ELP1: variants seen among roughly 807,000 people sequenced by gnomAD.
ELP1 encodes elongator complex protein 1.
ELP1 carries 131 observed loss-of-function variants against 183.2 expected under a neutral mutation model. That is an observed-to-expected ratio of 0.72 (90% CI 0.62 to 0.83). The LOEUF (loss-of-function observed/expected upper bound fraction) is 0.83, where lower values mean the gene tolerates loss of function less well. ELP1 is among the 40% of genes least tolerant of loss of function. ELP1 has a pLI of 0.00. For synonymous variants in ELP1, 555 were observed against 569.0 expected, an observed-to-expected ratio of 0.98 and a Z score of 0.35; for missense variants, 1,550 against 1,594.9, an observed-to-expected ratio of 0.97 and a Z score of 0.48.
chr9:108,891,888 G>C (rs3780510), intron 27 of ELP1, among the ~76,000 whole-genome samples: 97,908 of 152,032 alleles, frequency 0.64, 33,242 homozygotes, highest in African/African-American at 0.89. Flanking sequence ...GCAGAGGGCA[G>C]AGAAGGCACC....
At chr9:108,890,856 A>G (rs1263634621) in intron 28 of ELP1, among the ~76,000 whole-genome samples, 1 of 152,192 alleles carries the variant, frequency 6.6e-6, no homozygotes, top group Non-Finnish European at 1.5e-5. Flanking sequence ...CTTAAAGGTA[A>G]ATGTTTTACC....
At chr9:108,880,240 G>A in intron 31 of ELP1, 75 bp from the exon 32 acceptor site, 1 of 954,556 alleles carries the variant, frequency 1.0e-6, no homozygotes, top group Non-Finnish European at 1.7e-6. Context: ...GGGGAGCAGT[G>A]AAGGAGGGTT....
intron 27 of ELP1, 60 bp downstream of exon 27, chr9:108,892,926 T>G (rs1828398959): frequency 1.7e-6 from 2 of 1,146,970 alleles, no homozygotes; most frequent in East Asian, 4.7e-5. Flanking sequence ...GGATCCTCAC[T>G]CCTTTCCTAC....
intron 29 of ELP1, among the ~76,000 whole-genome samples, chr9:108,887,919 C>T (rs989517674): frequency 2.6e-5 from 4 of 152,218 alleles, no homozygotes; most frequent in Non-Finnish European, 5.9e-5. Context: ...TAAACATCCA[C>T]TTACCACGGG....
At chr9:108,903,350 G>C (rs1316352763) in intron 15 of ELP1, among the ~76,000 whole-genome samples, 1 of 152,052 alleles carries the variant, frequency 6.6e-6, no homozygotes, top group Non-Finnish European at 1.5e-5. Context: ...CCCTGCGATA[G>C]TCATCAATCA....
intron 25 of ELP1, among the ~76,000 whole-genome samples, chr9:108,896,093 TAAAAATAC>T: frequency 6.6e-6 from 1 of 152,120 alleles, no homozygotes; most frequent in African/African-American, 2.4e-5. Context: ...CTGTCTCTAC[TAAAAATAC>T]AAAAAATTAG....
intron 30 of ELP1, 92 bp downstream of exon 30, chr9:108,882,033 C>T: frequency 9.5e-7 from 1 of 1,056,992 alleles, no homozygotes; most frequent in Non-Finnish European, 1.5e-6. Flanking sequence ...TTTCATGAAC[C>T]TCAGAAGACA....
chr9:108,874,934 C>T lies in ELP1; in HGVS notation c.3892G>A (p.Ala1298Thr), dbSNP rs1587867690. The T allele has an allele frequency of 6.2e-7, 1 of 1,612,698 alleles. No individual in the cohort carries two copies. Among genetic ancestry groups the T allele is most frequent in the Non-Finnish European group, 8.5e-7 (1 of 1,178,856 alleles). The change falls in exon 36 of 37, where the codon GCA (alanine) becomes ACA (threonine). Residue 1298 changes from alanine (A) to threonine (T), a missense_variant. Coordinates refer to ENST00000374647, the MANE Select transcript of ELP1 (RefSeq NM_003640.5). Reference sequence around the variant, plus strand: ...GAAGTCTTCTGTTGCTGATAAGATGCCATGATACTATTTGCAGTAGAATTG... The same window carrying T: ...GAAGTCTTCTGTTGCTGATAAGATGTCATGATACTATTTGCAGTAGAATTG... ...GPNSTANSIM[A>T]SYQQQKTSVP... is the part of the protein sequence containing the mutation.
intron 5 of ELP1, among the ~76,000 whole-genome samples, chr9:108,924,466 G>A (rs1423014831): frequency 6.6e-6 from 1 of 151,006 alleles, no homozygotes; most frequent in Non-Finnish European, 1.5e-5. Context: ...TTGATTTACT[G>A]CATTAGGATT....
intron 1 of ELP1, 44 bp from the exon 2 acceptor site, chr9:108,931,245 T>C: frequency 8.2e-7 from 1 of 1,214,622 alleles, no homozygotes; most frequent in Non-Finnish European, 1.2e-6. Flanking sequence ...ATGACCATAT[T>C]TATTTAAATG....
chr9:108,914,730 A>C (rs991084359), intron 10 of ELP1, among the ~76,000 whole-genome samples: 1 of 152,068 alleles, frequency 6.6e-6, no homozygotes, highest in Non-Finnish European at 1.5e-5. Context: ...GGTTCACACC[A>C]TTCTCCTGCC....
Position 108,891,292 on chromosome 9 carries a change from G to A in ELP1, c.3071C>T (p.Thr1024Ile). Residue 1024 changes from threonine to isoleucine, a missense_variant, in exon 28 of 37, where the codon ACA becomes ATA. Physicochemically the swap from Thr to Ile is moderately conservative, Grantham distance 89. Coordinates refer to ENST00000374647, the MANE Select transcript of ELP1 (RefSeq NM_003640.5). Reference protein sequence around the residue: ...AHEKALSAFLTCGNWKQALCV... With the variant: ...AHEKALSAFLICGNWKQALCV... ...GAGGGCTTGCTTCCAGTTGCCACAT[G>A]TCAGAAAGGCTGAGAGAGCTTTCTC... The A allele has an allele frequency of 6.2e-7, 1 of 1,614,232 alleles. No individual in the cohort carries two copies. The highest frequency in any genetic ancestry group is 8.5e-7 in the Non-Finnish European group (1 of 1,180,032).
At chr9:108,911,638 T>A (rs566481545) in intron 11 of ELP1, among the ~76,000 whole-genome samples, 1 of 152,186 alleles carries the variant, frequency 6.6e-6, no homozygotes, top group East Asian at 1.9e-4. Context: ...ACACAGAATA[T>A]GAATTAATAT....
intron 15 of ELP1, 68 bp downstream of exon 15, chr9:108,903,495 G>A (rs1382034610): frequency 4.8e-6 from 5 of 1,052,174 alleles, no homozygotes; most frequent in Non-Finnish European, 7.4e-6. Context: ...CAAGATACAA[G>A]TACATGTTCT....
chr9:108,918,423 TA>T (rs942195506), intron 8 of ELP1, among the ~76,000 whole-genome samples: 11 of 152,168 alleles, frequency 7.2e-5, no homozygotes, highest in African/African-American at 2.7e-4. Context: ...GCTCTTTCCC[TA>T]ATTTCCACAA....
chr9:108,926,874 T>C (rs1260324936), intron 4 of ELP1, among the ~76,000 whole-genome samples: 1 of 152,122 alleles, frequency 6.6e-6, no homozygotes, highest in African/African-American at 2.4e-5. Context: ...ACTTCAACAC[T>C]CCTTGTCCCC....
intron 14 of ELP1, 117 bp downstream of exon 14, chr9:108,906,186 A>C (rs1388458887): frequency 8.2e-6 from 8 of 977,328 alleles, no homozygotes; most frequent in Non-Finnish European, 1.3e-5. Flanking sequence ...TGTGTCTAAC[A>C]AGAAAGCTAC....
chr9:108,914,573 TAA>T (rs1228329994), intron 10 of ELP1, among the ~76,000 whole-genome samples: 1 of 152,170 alleles, frequency 6.6e-6, no homozygotes, highest in Non-Finnish European at 1.5e-5. Context: ...TGAACGAGAA[TAA>T]ACGAGTATTA....
rs1394578385 is a variant in ELP1 at position 108,918,686 on chromosome 9, T to A, written c.740+125A>T. 3.9e-6 allele frequency: 3 copies of A among 774,166 alleles called. No homozygotes were observed. The East Asian group carries it at 7.4e-5, about 19-fold the overall frequency. The allele number at this position is 774,166 out of a possible 1,614,324, so 48.0% of individuals were successfully genotyped here. A position where few individuals can be genotyped will look rare whatever the true frequency, so the allele number is the denominator to read the frequency against. On this transcript the variant is annotated intron_variant, in intron 8 of 36. Coordinates refer to ENST00000374647, the MANE Select transcript of ELP1 (RefSeq NM_003640.5). Reference sequence around the variant, plus strand: ...AGAAACAAAGATAGATACAGCCTTATAACCAAATGAAGAAACGTAAAAATC... The same window carrying A: ...AGAAACAAAGATAGATACAGCCTTAAAACCAAATGAAGAAACGTAAAAATC...
Sources: allele counts gnomAD v4.1 joint callset (sites outside exome capture counted in the v4.1 genomes callset), GRCh38; gene constraint gnomAD v4.1.1; transcripts MANE v1.5; gene names NCBI Gene and HGNC (gene_info 2026-07-23, HGNC 2026-07-21).